The following PCDHGC5 variants were observed in gnomAD, a reference collection of about 807,000 sequenced individuals.
The protein encoded by PCDHGC5 is protocadherin gamma-C5.
PCDHGC5 carries 25 observed loss-of-function variants against 59.0 expected under a neutral mutation model. The observed-to-expected ratio is 0.42, with a 90% CI of 0.31 to 0.59. The LOEUF (loss-of-function observed/expected upper bound fraction) is 0.59, where lower values mean the gene tolerates loss of function less well. Among genes scored for constraint, PCDHGC5 ranks in the 20% least tolerant of loss-of-function variants. PCDHGC5 has a pLI of 0.13. For synonymous variants in PCDHGC5, 434 were observed against 505.5 expected (o/e 0.86, Z 1.90); for missense variants, 1,067 against 1,206.4 (o/e 0.88, Z 1.71).
chr5:141,493,935 C>T lies in PCDHGC5; in HGVS notation c.2461-872C>T, dbSNP rs1317863228. Among the ~76,000 whole-genome samples the T allele has an allele frequency of 6.6e-6, 1 of 152,158 alleles. No homozygotes were observed. Among genetic ancestry groups the T allele is most frequent in the Non-Finnish European group, 1.5e-5 (1 of 68,020 alleles). On this transcript the variant is annotated intron_variant, in intron 1 of 3. Coordinates refer to ENST00000252087, the MANE Select transcript of PCDHGC5 (RefSeq NM_018929.3). This position sits in a 1 kb window ranked among gnomAD's most constrained non-coding sequence, Gnocchi z 4.3. Reference sequence around the variant, plus strand: ...TGGGATAACACACCCCCTGGAAAGACCAGAAGGGACTCAGGAATGAAGTGG... The same window carrying T: ...TGGGATAACACACCCCCTGGAAAGATCAGAAGGGACTCAGGAATGAAGTGG...
In PCDHGC5 at chr5:141,490,081, T is replaced by A; in HGVS notation, c.841T>A (p.Phe281Ile). Reference protein sequence around the residue: ...EGTNGQLDYSFGDHTSEAVRN... With the variant: ...EGTNGQLDYSIGDHTSEAVRN... Reference sequence around the variant, plus strand: ...CACCAACGGCCAACTAGACTATTCTTTTGGAGACCACACATCTGAGGCAGT... The same window carrying A: ...CACCAACGGCCAACTAGACTATTCTATTGGAGACCACACATCTGAGGCAGT... The change falls in exon 1 of 4, where the codon TTT becomes ATT. Residue 281 changes from phenylalanine (F) to isoleucine (I), a missense_variant. Coordinates refer to ENST00000252087, the MANE Select transcript of PCDHGC5 (RefSeq NM_018929.3). The surrounding 1 kb of genome is among the most constrained non-coding windows in gnomAD (Gnocchi z 5.4). 3 of 1,614,216 alleles carry A rather than the reference T, an allele frequency of 1.9e-6. No homozygotes were observed. Among genetic ancestry groups the A allele is most frequent in the Non-Finnish European group, 2.5e-6 (3 of 1,180,040 alleles).
At chr5:141,506,923 C>T (rs1414595306) in intron 3 of PCDHGC5, among the ~76,000 whole-genome samples, 4 of 152,184 alleles carry the variant, frequency 2.6e-5, no homozygotes, top group African/African-American at 9.7e-5. Context: ...ACATACTAAA[C>T]AAACTTTAGG....
intron 2 of PCDHGC5, among the ~76,000 whole-genome samples, chr5:141,496,207 T>C (rs973745475): frequency 6.6e-6 from 1 of 152,134 alleles, no homozygotes; most frequent in Non-Finnish European, 1.5e-5. Flanking sequence ...CAATCTGGTA[T>C]GAATTCCTGC....
At chr5:141,504,738 C>G (rs2099840693) in intron 2 of PCDHGC5, among the ~76,000 whole-genome samples, 1 of 151,874 alleles carries the variant, frequency 6.6e-6, no homozygotes, top group Non-Finnish European at 1.5e-5. Flanking sequence ...GCTTAGGAAG[C>G]CATTGAATTT....
At chr5:141,503,902 C>T (rs552180745) in intron 2 of PCDHGC5, among the ~76,000 whole-genome samples, 7 of 152,328 alleles carry the variant, frequency 4.6e-5, no homozygotes, top group African/African-American at 1.7e-4. Context: ...AATATGCACA[C>T]ACACAACGCA....
At chr5:141,502,781 C>G (rs1360359268) in intron 2 of PCDHGC5, among the ~76,000 whole-genome samples, 2 of 151,658 alleles carry the variant, frequency 1.3e-5, no homozygotes, top group Non-Finnish European at 2.9e-5. Flanking sequence ...TGAAAATTAC[C>G]TGGATGATTT....
chr5:141,505,704 G>A (rs770933428), intron 3 of PCDHGC5, among the ~76,000 whole-genome samples: 1 of 152,184 alleles, frequency 6.6e-6, no homozygotes, highest in Non-Finnish European at 1.5e-5. Context: ...GAGCGAACAA[G>A]GAAAAGACTC....
rs1562142740 is a variant in PCDHGC5, at chr5:141,490,958, ACT to A, written c.1720_1721del (p.Ala575ProfsTer23). 1 of 1,613,728 alleles carries A rather than the reference ACT, an allele frequency of 6.2e-7. No homozygotes were observed. Among genetic ancestry groups the A allele is most frequent in the Non-Finnish European group, 8.5e-7 (1 of 1,179,830 alleles). On this transcript the variant is annotated frameshift_variant, in exon 1 of 4. Transcript: ENST00000252087. LOFTEE classifies it high-confidence loss of function. The surrounding 1 kb of genome is among the most constrained non-coding windows in gnomAD (Gnocchi z 5.4). Reference sequence around the variant, plus strand: ...CTGCACCCACGGCCAGACTGGGAACACTCAGCCCCCCAGCGTCTCCCTCGCTC... The same window carrying A: ...CTGCACCCACGGCCAGACTGGGAACACAGCCCCCCAGCGTCTCCCTCGCTC...
chr5:141,494,736 T>A, intron 1 of PCDHGC5, 71 bp from the exon 2 acceptor site: 2 of 1,611,858 alleles, frequency 1.2e-6, no homozygotes, highest in Non-Finnish European at 1.7e-6. Flanking sequence ...TCCCGGCCCA[T>A]CCCTAGGGGC....
chr5:141,496,160 G>C (rs1428576442), intron 2 of PCDHGC5, among the ~76,000 whole-genome samples: 2 of 151,600 alleles, frequency 1.3e-5, no homozygotes, highest in Admixed American at 6.6e-5. Flanking sequence ...CTCTCCACCA[G>C]ACACCCTCCC....
In PCDHGC5 at chr5:141,489,180, CTGGGTCTACCT is replaced by C. The variant is rs906371381; in HGVS notation, c.-57_-47del. 6.3e-5 allele frequency: 79 copies of C among 1,259,748 alleles called. No individual in the cohort carries two copies. The African/African-American group carries it at 9.3e-4, about 15-fold the overall frequency. 78.0% of individuals were successfully genotyped at this position (1,259,748 alleles called of 1,614,324 possible). ...GACTTCAGCTGCTGCATTCCAAGCCCTGGGTCTACCTTGGAGACAGGACAGCACAGACTTAC... is the reference window on the plus strand; with the variant it reads ...GACTTCAGCTGCTGCATTCCAAGCCCTGGAGACAGGACAGCACAGACTTAC... On this transcript the variant is annotated 5_prime_UTR_variant, in exon 1 of 4. Coordinates refer to ENST00000252087, the MANE Select transcript of PCDHGC5 (RefSeq NM_018929.3). This position sits in a 1 kb window ranked among gnomAD's most constrained non-coding sequence, Gnocchi z 4.5.
chr5:141,502,866 C>CTTTT (rs549047197), intron 2 of PCDHGC5, among the ~76,000 whole-genome samples: 3 of 128,028 alleles, frequency 2.3e-5, no homozygotes, highest in African/African-American at 6.2e-5. Flanking sequence ...GACTCTCTGT[C>CTTTT]TTTTTTTTTT....
intron 3 of PCDHGC5, among the ~76,000 whole-genome samples, 188 bp from the exon 4 acceptor site, chr5:141,510,759 G>A (rs1026623444): frequency 6.6e-5 from 10 of 152,172 alleles, no homozygotes; most frequent in African/African-American, 2.4e-4. Context: ...TCTCACTCCA[G>A]AGCCTCTTAA....
intron 3 of PCDHGC5, among the ~76,000 whole-genome samples, chr5:141,510,354 G>A (rs1311482557): frequency 2.1e-5 from 3 of 146,300 alleles, no homozygotes; most frequent in Non-Finnish European, 4.5e-5. Flanking sequence ...ACTTACTAAC[G>A]GAACTACCGA....
chr5:141,504,135 C>T (rs758903340), intron 2 of PCDHGC5, among the ~76,000 whole-genome samples: 1 of 152,188 alleles, frequency 6.6e-6, no homozygotes, highest in Non-Finnish European at 1.5e-5. Context: ...CCCGCCAACA[C>T]TCCCCTGCAA....
At chr5:141,504,288 GT>G (rs1175142876) in intron 2 of PCDHGC5, among the ~76,000 whole-genome samples, 1 of 152,124 alleles carries the variant, frequency 6.6e-6, no homozygotes, top group Non-Finnish European at 1.5e-5. Flanking sequence ...ATCATTTCAT[GT>G]TTTTTCAACA....
At position 141,511,241 on chromosome 5, in the gene PCDHGC5, C is replaced by G; in HGVS notation, c.*68C>G. ...CCAGCCCAGCTTCTCCTTACCTGCA[C>G]CCAGGCCTCAGAGTTTCAGGGCTAA... On this transcript the variant is annotated 3_prime_UTR_variant, in exon 4 of 4. Transcript: ENST00000252087. 1 of 1,585,214 alleles carries G rather than the reference C, an allele frequency of 6.3e-7. No individual in the cohort carries two copies. The highest frequency in any genetic ancestry group is 1.1e-5 in the South Asian group (1 of 87,760).
At chr5:141,508,123 G>A (rs989767852) in intron 3 of PCDHGC5, 1 of 152,616 alleles carries the variant, frequency 6.6e-6, no homozygotes, top group Non-Finnish European at 1.5e-5. Context: ...GAGGACAGAG[G>A]GAGGTCAGGG....
intron 2 of PCDHGC5, among the ~76,000 whole-genome samples, chr5:141,503,295 T>C (rs567706089): frequency 6.6e-6 from 1 of 152,070 alleles, no homozygotes; most frequent in Non-Finnish European, 1.5e-5. Context: ...TACATAGAAA[T>C]TGCTCAAGAA....
Sources: allele counts gnomAD v4.1 joint callset (sites outside exome capture counted in the v4.1 genomes callset), GRCh38; gene constraint gnomAD v4.1.1; non-coding constraint Gnocchi (gnomAD v3.1); transcripts MANE v1.5; gene names NCBI Gene and HGNC (gene_info 2026-07-23, HGNC 2026-07-21).